The following SV2C variants were observed in gnomAD, a reference collection of about 807,000 sequenced individuals.
SV2C encodes synaptic vesicle glycoprotein 2C.
In SV2C, 49 loss-of-function variants were observed where a neutral mutation model predicts 79.7. That is an observed-to-expected ratio of 0.61 (90% CI 0.49 to 0.78). The LOEUF (loss-of-function observed/expected upper bound fraction) is 0.78. Among genes scored for constraint, SV2C ranks in the 30% least tolerant of loss-of-function variants. The probability of loss-of-function intolerance (pLI) is 0.00; values close to 1 mark genes in which losing one functional copy is unlikely to be tolerated. For synonymous variants in SV2C, 334 were observed against 333.2 expected (o/e 1.00, Z -0.03); for missense variants, 833 against 912.9 (o/e 0.91, Z 1.13).
the SV2C span, among the ~76,000 whole-genome samples, chr5:76,002,887 A>G: frequency 0.45 from 68,876 of 151,410 alleles, 16,542 homozygotes; most frequent in Middle Eastern, 0.62. Flanking sequence ...AAATATGTAA[A>G]TAAAGTAACC....
chr5:76,056,896 C>G, the SV2C span, among the ~76,000 whole-genome samples: 1 of 151,780 alleles, frequency 6.6e-6, no homozygotes, highest in East Asian at 1.9e-4. Flanking sequence ...ATTCTTCTCT[C>G]TTTATTAGTC....
At chr5:76,300,624 G>A in intron 10 of SV2C, 105 bp from the exon 11 acceptor site, 1 of 1,225,848 alleles carries the variant, frequency 8.2e-7, no homozygotes, top group Non-Finnish European at 1.2e-6. Flanking sequence ...AAGCCCTCAA[G>A]GAATTTACAA....
chr5:76,329,718 T>C lies in SV2C; in HGVS notation c.*4171T>C, dbSNP rs1405350633. On this transcript the variant is annotated 3_prime_UTR_variant, in exon 13 of 13. Transcript: ENST00000502798. The stretch of plus-strand genomic sequence containing the variant: ...AGATAGAATATGATATTCTCCAATT[T>C]TTTTTCTGTTTGATGTCAAAATGGC... 6.6e-6 allele frequency: 1 copy of C among 152,216 alleles called. No individual in the cohort carries two copies. The highest frequency in any genetic ancestry group is 1.5e-5 in the Non-Finnish European group (1 of 68,040). 9.4% of individuals were successfully genotyped at this position (152,216 alleles called of 1,614,324 possible). A position where few individuals can be genotyped will look rare whatever the true frequency, so the allele number is the denominator to read the frequency against.
chr5:76,066,149 G>A, the SV2C span, among the ~76,000 whole-genome samples: 1 of 151,978 alleles, frequency 6.6e-6, no homozygotes, highest in African/African-American at 2.4e-5. Flanking sequence ...ACATGCACAC[G>A]TATGTTTATT....
At chr5:76,250,202 C>CTT (rs78589382) in intron 4 of SV2C, among the ~76,000 whole-genome samples, 2 of 151,752 alleles carry the variant, frequency 1.3e-5, no homozygotes, top group Non-Finnish European at 2.9e-5. Context: ...GCGCGTCCTG[C>CTT]TTTTTTTAAA....
At chr5:76,112,401 G>A (rs978949709) in intron 1 of SV2C, among the ~76,000 whole-genome samples, 6 of 152,212 alleles carry the variant, frequency 3.9e-5, no homozygotes, top group African/African-American at 1.2e-4. Context: ...AACAGCAAGT[G>A]CAAAGGGCTG....
chr5:75,858,472 G>T, the SV2C span, among the ~76,000 whole-genome samples: 1 of 152,166 alleles, frequency 6.6e-6, no homozygotes. Flanking sequence ...CATGATGAAT[G>T]ACCTTTTTAA....
chr5:76,094,792 G>C (rs991020671), intron 1 of SV2C, among the ~76,000 whole-genome samples: 1 of 152,032 alleles, frequency 6.6e-6, no homozygotes, highest in Non-Finnish European at 1.5e-5. Flanking sequence ...TGGGTTGCTT[G>C]CTTTCTTATT....
the SV2C span, among the ~76,000 whole-genome samples, chr5:75,931,465 C>T: frequency 2.6e-5 from 4 of 152,170 alleles, no homozygotes; most frequent in African/African-American, 9.7e-5. Flanking sequence ...TTTGTAACTG[C>T]GTGTAACTTT....
the SV2C span, among the ~76,000 whole-genome samples, chr5:75,986,406 G>C: frequency 4.6e-5 from 7 of 151,928 alleles, no homozygotes; most frequent in African/African-American, 1.7e-4. Context: ...AAGCCAACTA[G>C]TACAGGTGGC....
chr5:76,060,899 G>C, the SV2C span, among the ~76,000 whole-genome samples: 2 of 151,890 alleles, frequency 1.3e-5, no homozygotes, highest in African/African-American at 4.8e-5. Context: ...TCTTTCACTT[G>C]AACATTTAGA....
intron 12 of SV2C, among the ~76,000 whole-genome samples, chr5:76,310,658 A>G (rs1025756003): frequency 6.6e-6 from 1 of 152,204 alleles, no homozygotes; most frequent in African/African-American, 2.4e-5. Context: ...AGGTGGTGAG[A>G]AAGTGGTTAG....
intron 4 of SV2C, among the ~76,000 whole-genome samples, chr5:76,258,670 C>T (rs905908376): frequency 3.3e-5 from 5 of 152,092 alleles, no homozygotes; most frequent in African/African-American, 1.2e-4. Context: ...GTTATCGCAC[C>T]ACTCTTTATG....
intron 2 of SV2C, among the ~76,000 whole-genome samples, chr5:76,169,960 A>C (rs1447679379): frequency 2.0e-5 from 3 of 150,768 alleles, no homozygotes; most frequent in Non-Finnish European, 4.4e-5. Context: ...AAACTATACA[A>C]GAAAGATATT....
upstream of SV2C, among the ~76,000 whole-genome samples, chr5:76,080,033 T>G (rs920211289): frequency 1.3e-5 from 2 of 152,130 alleles, no homozygotes; most frequent in Admixed American, 6.5e-5. Flanking sequence ...GTGATTTTTG[T>G]TACTTTTTAT....
At chr5:76,118,552 CT>C (rs967950801) in intron 1 of SV2C, among the ~76,000 whole-genome samples, 6 of 151,978 alleles carry the variant, frequency 3.9e-5, no homozygotes, top group East Asian at 1.9e-4. Context: ...GATAAAACAC[CT>C]TTTTTTTAAA....
At chr5:76,352,381 T>C (rs1749658677) in intron 12 of SV2C, among the ~76,000 whole-genome samples, 2 of 152,188 alleles carry the variant, frequency 1.3e-5, no homozygotes. Flanking sequence ...AGTTCAACAC[T>C]GTTGAGAGGT....
chr5:76,205,471 T>A (rs1230239182), intron 3 of SV2C, among the ~76,000 whole-genome samples: 2 of 152,182 alleles, frequency 1.3e-5, no homozygotes, highest in African/African-American at 2.4e-5. Flanking sequence ...AGATTTGACA[T>A]TTTTGACAGC....
At chr5:76,255,974 CA>C (rs577151515) in intron 4 of SV2C, among the ~76,000 whole-genome samples, 24 of 152,138 alleles carry the variant, frequency 1.6e-4, no homozygotes, top group Admixed American at 9.2e-4. Flanking sequence ...TTTTAAAAAT[CA>C]ATAAAGGGGA....
Sources: gnomAD v4.1 joint callset for allele counts (sites outside exome capture counted in the v4.1 genomes callset) on GRCh38, gnomAD v4.1.1 for gene constraint, MANE v1.5 for transcripts, NCBI Gene and HGNC (gene_info 2026-07-23, HGNC 2026-07-21) for gene names.